Variants in SOX30 observed in about 807,000 individuals in gnomAD.
The protein encoded by SOX30 is transcription factor SOX-30.
SOX30 carries 17 observed loss-of-function variants against 58.6 expected under a neutral mutation model. The observed-to-expected ratio is 0.29, with a 90% CI of 0.20 to 0.44. The LOEUF is 0.44. Ranked by LOEUF, SOX30 falls within the 20% of genes least tolerant of loss-of-function variation. The pLI, the probability that SOX30 is intolerant of heterozygous loss-of-function variation, is 1.00. For synonymous variants in SOX30, 421 were observed against 400.2 expected, an observed-to-expected ratio of 1.05 and a Z score of -0.62; for missense variants, 951 against 965.8, an observed-to-expected ratio of 0.98 and a Z score of 0.20.
chr5:157,667,192 G>T (rs979580502), intron 2 of SOX30, among the ~76,000 whole-genome samples: 39 of 152,282 alleles, frequency 2.6e-4, no homozygotes, highest in African/African-American at 8.9e-4. Flanking sequence ...AGTCCTGACT[G>T]CTGCCCCAGA....
rs369364664 is a variant in SOX30 at position 157,648,951 on chromosome 5, C to T, written c.968-55G>A. ...AATGTGCCATACACACACACACACA[C>T]AATTTTAAGGTAAAGTGCACCTCCG... On this transcript the variant is annotated intron_variant, in intron 1 of 4. Coordinates refer to ENST00000265007, the MANE Select transcript of SOX30 (RefSeq NM_178424.2). 5.3e-6 allele frequency: 7 copies of T among 1,310,094 alleles called. No individual in the cohort carries two copies. The East Asian group carries it at 1.7e-4, about 33-fold the overall frequency. The allele number at this position is 1,310,094 out of a possible 1,614,324, so 81.2% of individuals were successfully genotyped here.
intron 4 of SOX30, 151 bp from the exon 5 acceptor site, chr5:157,626,872 C>T (rs1758670188): frequency 2.6e-6 from 2 of 779,554 alleles, no homozygotes; most frequent in East Asian, 2.7e-5. Flanking sequence ...TTTCCCACTG[C>T]CCAGTCCCCA....
chr5:157,629,344 C>T (rs1758733009), intron 4 of SOX30, among the ~76,000 whole-genome samples: 1 of 152,062 alleles, frequency 6.6e-6, no homozygotes, highest in Non-Finnish European at 1.5e-5. Flanking sequence ...AATAATTCAC[C>T]CAACAACTGT....
intron 2 of SOX30, chr5:157,667,758 A>G (rs1360335599): frequency 4.2e-6 from 6 of 1,415,418 alleles, no homozygotes; most frequent in Middle Eastern, 3.5e-4. Context: ...ACATACATAC[A>G]TACATACACA....
chr5:157,655,332 A>C (rs1000972712), upstream of SOX30, among the ~76,000 whole-genome samples: 4 of 152,200 alleles, frequency 2.6e-5, no homozygotes. Flanking sequence ...ATTTTGGATA[A>C]GTGGTGGGGT....
At chr5:157,649,390 G>T (rs1479928656) in intron 1 of SOX30, among the ~76,000 whole-genome samples, 2 of 152,114 alleles carry the variant, frequency 1.3e-5, no homozygotes, top group African/African-American at 4.8e-5. Flanking sequence ...TTATAATATT[G>T]TAATACTATA....
intron 1 of SOX30, among the ~76,000 whole-genome samples, chr5:157,649,267 CA>C (rs1759269286): frequency 6.6e-6 from 1 of 152,190 alleles, no homozygotes; most frequent in African/African-American, 2.4e-5. Context: ...CATTAAGGAA[CA>C]GGAACCATGC....
At chr5:157,634,998 T>C (rs1297778991) in intron 4 of SOX30, among the ~76,000 whole-genome samples, 1 of 152,096 alleles carries the variant, frequency 6.6e-6, no homozygotes, top group East Asian at 1.9e-4. Flanking sequence ...AAGAGAAAAA[T>C]TGAGAGAGAA....
intron 3 of SOX30, among the ~76,000 whole-genome samples, chr5:157,643,101 G>GACAACAACAACAACAACA (rs200189852): frequency 1.3e-5 from 2 of 149,826 alleles, no homozygotes; most frequent in African/African-American, 4.9e-5. Flanking sequence ...GAAGAAAACG[G>GACAACAACAACAACAACA]ACAACAACAA....
intron 2 of SOX30, chr5:157,667,724 G>T: frequency 1.3e-6 from 2 of 1,510,574 alleles, no homozygotes. Context: ...GGGCGACAGA[G>T]CGAGACTCCA....
intron 4 of SOX30, among the ~76,000 whole-genome samples, chr5:157,637,641 T>C (rs1028296073): frequency 6.6e-6 from 1 of 152,192 alleles, no homozygotes; most frequent in Non-Finnish European, 1.5e-5. Flanking sequence ...TTTGACTAAA[T>C]GATCTTAAGG....
At position 157,649,573 on chromosome 5, in the gene SOX30, C is replaced by T. The variant is rs1407261912; in HGVS notation, c.968-677G>A. 2.6e-5 allele frequency among the ~76,000 whole-genome samples: 4 copies of T among 152,162 alleles called. No individual in the cohort carries two copies. The South Asian group carries it at 6.2e-4, about 24-fold the overall frequency. On this transcript the variant is annotated intron_variant, in intron 1 of 4. Coordinates refer to ENST00000265007, the MANE Select transcript of SOX30 (RefSeq NM_178424.2). ...GGGAGGCCAAGGCAGGTGGATCACG[C>T]GAGGTCAGGAGTTTGAGACCAGCCT...
At chr5:157,665,082 A>G (rs373358248) in intron 2 of SOX30, among the ~76,000 whole-genome samples, 1 of 152,130 alleles carries the variant, frequency 6.6e-6, no homozygotes, top group African/African-American at 2.4e-5. Flanking sequence ...ATTTGACCCA[A>G]CCATCCCATT....
rs766094414 is a variant in SOX30, at chr5:157,651,801, G to C, written c.278C>G (p.Ala93Gly). 6.3e-7 allele frequency: 1 copy of C among 1,580,570 alleles called. No individual in the cohort carries two copies. The highest frequency in any genetic ancestry group is 1.1e-5 in the South Asian group (1 of 87,858). The change falls in exon 1 of 5, where the codon GCC becomes GGC. Residue 93 changes from alanine (A) to glycine (G), a missense_variant. Ala to Gly is a moderately conservative substitution (Grantham distance 60). Coordinates refer to ENST00000265007, the MANE Select transcript of SOX30 (RefSeq NM_178424.2). ...QPQAQNEEAA[A>G]SSAQARLLQF... ...CAACAGCCGCGCCTGCGCGGACGAG[G>C]CAGCGGCTTCCTCGTTCTGGGCCTG...
At chr5:157,642,626 T>C (rs761047696) in intron 3 of SOX30, among the ~76,000 whole-genome samples, 1 of 152,040 alleles carries the variant, frequency 6.6e-6, no homozygotes, top group Non-Finnish European at 1.5e-5. Flanking sequence ...ACAGTTACTA[T>C]GGCTAACTGG....
chr5:157,640,139 C>A (rs1284148544), intron 3 of SOX30, among the ~76,000 whole-genome samples: 1 of 152,164 alleles, frequency 6.6e-6, no homozygotes, highest in Non-Finnish European at 1.5e-5. Flanking sequence ...AAACCTATCA[C>A]CTATCATGAA....
upstream of SOX30, among the ~76,000 whole-genome samples, chr5:157,652,575 G>A (rs1364348839): frequency 1.3e-5 from 2 of 152,218 alleles, no homozygotes; most frequent in Admixed American, 6.5e-5. Flanking sequence ...TACCACCAGG[G>A]CTTTTGAATC....
chr5:157,655,538 G>C (rs1318202207), upstream of SOX30, among the ~76,000 whole-genome samples: 1 of 152,194 alleles, frequency 6.6e-6, no homozygotes, highest in African/African-American at 2.4e-5. Context: ...GCGGATGACA[G>C]GGTTAGGCAG....
intron 2 of SOX30, 39 bp downstream of exon 2, chr5:157,648,618 C>G: frequency 6.4e-7 from 1 of 1,574,562 alleles, no homozygotes; most frequent in Non-Finnish European, 8.7e-7. Flanking sequence ...TAAATAAATT[C>G]ATTTAAAAGA....
Sources: gnomAD v4.1 joint callset for allele counts (sites outside exome capture counted in the v4.1 genomes callset) on GRCh38, gnomAD v4.1.1 for gene constraint, MANE v1.5 for transcripts, NCBI Gene and HGNC (gene_info 2026-07-23, HGNC 2026-07-21) for gene names.